Variants in GRIN2B observed in about 807,000 individuals in gnomAD.
GRIN2B encodes the protein glutamate ionotropic receptor NMDA type subunit 2B, also known as glutamate receptor ionotropic, NMDA 2B.
A neutral mutation model predicts 114.5 loss-of-function variants in GRIN2B; 5 were observed. That is an observed-to-expected ratio of 0.04 (90% CI 0.02 to 0.09). The LOEUF (loss-of-function observed/expected upper bound fraction) is 0.09, where lower values mean the gene tolerates loss of function less well. Ranked by LOEUF, GRIN2B falls within the 10% of genes least tolerant of loss-of-function variation. The probability of loss-of-function intolerance (pLI) is 1.00; values close to 1 mark genes in which losing one functional copy is unlikely to be tolerated. For missense variants in GRIN2B, 1,108 were observed against 1,943.5 expected, an observed-to-expected ratio of 0.57 and a Z score of 8.08; for synonymous variants, 787 against 745.1, an observed-to-expected ratio of 1.06 and a Z score of -0.92.
chr12:13,731,370 C>T (rs141546499), intron 4 of GRIN2B, among the ~76,000 whole-genome samples: 73 of 152,166 alleles, frequency 4.8e-4, no homozygotes, highest in Admixed American at 1.7e-3. Flanking sequence ...GAGGCTGAGA[C>T]GGGTGGATCA....
chr12:13,594,671 TA>T (rs34596965), intron 10 of GRIN2B, among the ~76,000 whole-genome samples: 6,043 of 142,166 alleles, frequency 0.043, 409 homozygotes, highest in African/African-American at 0.14. Context: ...CTTAAAGTAT[TA>T]AAAAAAAAAA....
intron 4 of GRIN2B, among the ~76,000 whole-genome samples, chr12:13,677,313 AG>A (rs1305430579): frequency 1.3e-5 from 2 of 152,128 alleles, no homozygotes; most frequent in African/African-American, 2.4e-5. Flanking sequence ...TGAAACTGGG[AG>A]GTCTTCTTTG....
At chr12:13,755,067 T>C (rs1268679382) in intron 3 of GRIN2B, among the ~76,000 whole-genome samples, 1 of 152,194 alleles carries the variant, frequency 6.6e-6, no homozygotes, top group Non-Finnish European at 1.5e-5. Flanking sequence ...TTATCTTCTA[T>C]CCCATTGGCT....
At position 13,550,891 on chromosome 12, in the gene GRIN2B, A is replaced by G. The variant is rs1329344823; in HGVS notation, c.*11892T>C. 1 of 152,190 alleles carries G rather than the reference A, an allele frequency of 6.6e-6. No individual in the cohort carries two copies. The highest frequency in any genetic ancestry group is 6.5e-5 in the Admixed American group (1 of 15,272). 9.4% of individuals were successfully genotyped at this position (152,190 alleles called of 1,614,324 possible). A position where few individuals can be genotyped will look rare whatever the true frequency, so the allele number is the denominator to read the frequency against. On this transcript the variant is annotated 3_prime_UTR_variant, in exon 14 of 14. Transcript: ENST00000609686. ...CTCAGAGTCAACTCAGGATAAGTAT[A>G]CCTCAAGATGAATAAATTGAGAAAG...
chr12:13,757,574 C>T (rs928816786), intron 3 of GRIN2B, among the ~76,000 whole-genome samples: 3 of 152,166 alleles, frequency 2.0e-5, no homozygotes, highest in African/African-American at 7.2e-5. Context: ...AATGTCATTA[C>T]AAAATGTTGA....
intron 4 of GRIN2B, chr12:13,683,452 C>T (rs1950149301): frequency 6.6e-6 from 1 of 152,096 alleles, no homozygotes; most frequent in Non-Finnish European, 1.5e-5. Context: ...AGTTATTTAA[C>T]CTCTCTTTCC....
intron 13 of GRIN2B, among the ~76,000 whole-genome samples, chr12:13,565,152 G>T (rs1948621351): frequency 6.6e-6 from 1 of 152,214 alleles, no homozygotes; most frequent in Non-Finnish European, 1.5e-5. Flanking sequence ...CTCTTTTCTA[G>T]CTCTGACAAA....
chr12:13,971,918 A>G (rs1862928329), intron 2 of GRIN2B, among the ~76,000 whole-genome samples: 2 of 152,182 alleles, frequency 1.3e-5, no homozygotes, highest in Non-Finnish European at 2.9e-5. Context: ...CTGTAGACTA[A>G]GTACCGTCAT....
At chr12:13,870,660 T>C (rs1487712138) in intron 2 of GRIN2B, among the ~76,000 whole-genome samples, 1 of 151,976 alleles carries the variant, frequency 6.6e-6, no homozygotes, top group African/African-American at 2.4e-5. Context: ...CCAAGCACCA[T>C]CCCTTAATGC....
intron 3 of GRIN2B, among the ~76,000 whole-genome samples, chr12:13,862,098 A>G (rs1865762016): frequency 6.6e-6 from 1 of 152,146 alleles, no homozygotes; most frequent in African/African-American, 2.4e-5. Context: ...CTGATTTTTT[A>G]ATAGCCCTAC....
intron 5 of GRIN2B, among the ~76,000 whole-genome samples, chr12:13,669,154 A>G (rs1178671296): frequency 1.3e-5 from 2 of 152,070 alleles, no homozygotes; most frequent in Non-Finnish European, 2.9e-5. Context: ...TGTTGTTAAC[A>G]GTTCCAGTAC....
intron 2 of GRIN2B, among the ~76,000 whole-genome samples, chr12:13,867,255 T>C (rs936195683): frequency 2.0e-5 from 3 of 152,220 alleles, no homozygotes; most frequent in Non-Finnish European, 2.9e-5. Context: ...TTGCCACCTT[T>C]TACCTACAAA....
chr12:13,586,741 A>G (rs372727025), intron 10 of GRIN2B, among the ~76,000 whole-genome samples: 11 of 152,248 alleles, frequency 7.2e-5, no homozygotes, highest in South Asian at 4.1e-4. Context: ...AGAAAATTCT[A>G]TCTGGGATTC....
chr12:13,596,694 T>G (rs1949077861), intron 10 of GRIN2B, among the ~76,000 whole-genome samples: 1 of 152,234 alleles, frequency 6.6e-6, no homozygotes, highest in Non-Finnish European at 1.5e-5. Context: ...CAGTCAACTC[T>G]CATTATATAA....
chr12:13,593,251 AAAAGAAC>A (rs1254352200), intron 10 of GRIN2B, among the ~76,000 whole-genome samples: 5 of 152,226 alleles, frequency 3.3e-5, no homozygotes, highest in African/African-American at 4.8e-5. Context: ...ATCCTAAGCA[AAAAGAAC>A]AAAGCTGGAG....
chr12:13,758,791 C>T (rs899834782), intron 3 of GRIN2B, among the ~76,000 whole-genome samples: 12 of 152,130 alleles, frequency 7.9e-5, no homozygotes, highest in African/African-American at 2.7e-4. Flanking sequence ...TGCATGCCTC[C>T]GTCATCATAC....
chr12:13,712,385 A>C (rs1038242503), intron 4 of GRIN2B, among the ~76,000 whole-genome samples: 10 of 151,594 alleles, frequency 6.6e-5, no homozygotes, highest in African/African-American at 2.4e-4. Context: ...ATAATAAAAA[A>C]CAAATAAAAA....
At chr12:13,606,706 T>C (rs1045515108) in intron 10 of GRIN2B, among the ~76,000 whole-genome samples, 14 of 152,176 alleles carry the variant, frequency 9.2e-5, no homozygotes, top group Non-Finnish European at 8.8e-5. Flanking sequence ...CAAAAGGCGA[T>C]TGTGGTAGCG....
At chr12:13,718,771 G>A (rs1217156268) in intron 4 of GRIN2B, among the ~76,000 whole-genome samples, 1 of 151,920 alleles carries the variant, frequency 6.6e-6, no homozygotes, top group African/African-American at 2.4e-5. Context: ...GGCTATCACT[G>A]GTTATGTGAC....
Sources: gnomAD v4.1 joint callset for allele counts (sites outside exome capture counted in the v4.1 genomes callset) on GRCh38, gnomAD v4.1.1 for gene constraint, MANE v1.5 for transcripts, NCBI Gene and HGNC (gene_info 2026-07-23, HGNC 2026-07-21) for gene names.